The following SETD4 variants were observed in gnomAD, a reference collection of about 807,000 sequenced individuals.
The protein encoded by SETD4 is SET domain-containing protein 4.
A neutral mutation model predicts 58.3 loss-of-function variants in SETD4; 46 were observed. The ratio of observed to expected loss-of-function variants is 0.79; its 90% CI spans 0.62 to 1.01. The LOEUF is 1.01. SETD4 is among the 50% of genes least tolerant of loss of function. The pLI, the probability that SETD4 is intolerant of heterozygous loss-of-function variation, is 0.00. For synonymous variants in SETD4, 190 were observed against 202.6 expected (o/e 0.94, Z 0.53); for missense variants, 490 against 523.3 (o/e 0.94, Z 0.62).
chr21:36,058,524 AAG>A (rs2065106345), intron 2 of SETD4, among the ~76,000 whole-genome samples: 1 of 146,566 alleles, frequency 6.8e-6, no homozygotes, highest in South Asian at 2.2e-4. Context: ...AAAAAAAAGA[AAG>A]ATTCTCTTTG....
intron 1 of SETD4, 66 bp downstream of exon 1, chr21:36,060,281 C>T (rs1053192682): frequency 2.9e-6 from 1 of 342,680 alleles, no homozygotes; most frequent in African/African-American, 2.2e-5. Context: ...AAGGAACGCA[C>T]CCCGCCGACT....
chr21:36,053,218 C>T, intron 4 of SETD4: 1 of 273,858 alleles, frequency 3.7e-6, no homozygotes, highest in Non-Finnish European at 6.9e-6. Context: ...CTCCTGATGC[C>T]CAAGTTCCAA....
intron 4 of SETD4, chr21:36,050,742 C>T: frequency 6.2e-7 from 1 of 1,612,512 alleles, no homozygotes; most frequent in Admixed American, 1.7e-5. Flanking sequence ...AGATAAGCAC[C>T]ATTTGGCTGA....
At chr21:36,056,275 T>C (rs2064976989) in intron 3 of SETD4, among the ~76,000 whole-genome samples, 1 of 152,248 alleles carries the variant, frequency 6.6e-6, no homozygotes, top group South Asian at 2.1e-4. Context: ...AATGGGTACT[T>C]GAATAATAAT....
chr21:36,053,498 ATTTT>A, intron 4 of SETD4, 81 bp downstream of exon 4: 2 of 1,375,724 alleles, frequency 1.5e-6, no homozygotes, highest in Non-Finnish European at 2.1e-6. Context: ...TATGTCTGAA[ATTTT>A]TTTAATTCAC....
intron 6 of SETD4, 139 bp downstream of exon 6, chr21:36,045,443 C>A: frequency 1.0e-6 from 1 of 981,030 alleles, no homozygotes; most frequent in Non-Finnish European, 1.5e-6. Context: ...AGCCTCCTGA[C>A]GTCAGGCCAA....
At chr21:36,060,012 C>T in intron 1 of SETD4, 2 of 985,780 alleles carry the variant, frequency 2.0e-6, no homozygotes, top group Non-Finnish European at 2.4e-6. Flanking sequence ...GCACCGTCCC[C>T]GCCCCCATAG....
chr21:36,057,064 G>A, intron 3 of SETD4, 45 bp downstream of exon 3: 1 of 1,483,624 alleles, frequency 6.7e-7, no homozygotes, highest in Non-Finnish European at 9.4e-7. Context: ...TGTCTACCTG[G>A]CTCTCGTGTG....
At chr21:36,050,674 T>A in intron 4 of SETD4, 1 of 1,600,922 alleles carries the variant, frequency 6.2e-7, no homozygotes, top group Non-Finnish European at 8.6e-7. Flanking sequence ...GTACCGGAGT[T>A]CCCAATGGTA....
At chr21:36,051,347 A>G (rs926409247) in intron 4 of SETD4, 50 of 1,556,636 alleles carry the variant, frequency 3.2e-5, no homozygotes, top group Middle Eastern at 1.8e-4. Flanking sequence ...ACCAGCTGCT[A>G]GCCAATGAAA....
At chr21:36,043,311 C>CAT in intron 7 of SETD4, 1 of 257,896 alleles carries the variant, frequency 3.9e-6, no homozygotes, top group Non-Finnish European at 6.1e-6. Flanking sequence ...CACAAAAGAA[C>CAT]ATACATGAAA....
intron 2 of SETD4, chr21:36,057,562 A>G (rs189626203): frequency 2.1e-6 from 1 of 484,022 alleles, no homozygotes; most frequent in East Asian, 3.2e-5. Context: ...CTTATGCAAC[A>G]TACGACTATA....
chr21:36,059,184 A>G (rs2065147733), intron 1 of SETD4: 1 of 242,758 alleles, frequency 4.1e-6, no homozygotes, highest in Admixed American at 5.7e-5. Context: ...TATCTTGCAG[A>G]CCTAGTGACT....
intron 4 of SETD4, chr21:36,050,412 C>T: frequency 6.2e-7 from 1 of 1,614,098 alleles, no homozygotes; most frequent in Non-Finnish European, 8.5e-7. Flanking sequence ...CAATGGAGAG[C>T]TAATCACTGC....
intron 10 of SETD4, among the ~76,000 whole-genome samples, chr21:36,037,215 A>C (rs970702630): frequency 3.3e-5 from 5 of 152,240 alleles, no homozygotes; most frequent in Non-Finnish European, 5.9e-5. Flanking sequence ...GTGATCATGC[A>C]TATGTTAAAT....
intron 5 of SETD4, among the ~76,000 whole-genome samples, chr21:36,047,834 C>CAAAAAAAAAAAAA (rs34827028): frequency 4.2e-5 from 3 of 70,892 alleles, no homozygotes; most frequent in African/African-American, 1.1e-4. Context: ...ACTAAAAATA[C>CAAAAAAAAAAAAA]AAAAAAAAAA....
In SETD4 at chr21:36,035,938, C is replaced by G; in HGVS notation, c.*55G>C. 1 of 797,598 alleles carries G rather than the reference C, an allele frequency of 1.3e-6. No individual in the cohort carries two copies. The highest frequency in any genetic ancestry group is 2.0e-6 in the Non-Finnish European group (1 of 503,684). 49.4% of individuals were successfully genotyped at this position (797,598 alleles called of 1,614,324 possible). ...GCCACCACCCCAGCCCATGATGATG[C>G]TCTTCAAAATTAACTTTTGTTTCTG... On this transcript the variant is annotated 3_prime_UTR_variant, in exon 12 of 12. Transcript: ENST00000332131.
chr21:36,050,830 G>A (rs1254752467), intron 4 of SETD4: 18 of 1,610,112 alleles, frequency 1.1e-5, no homozygotes, highest in African/African-American at 5.3e-5. Context: ...CGGGATGTAC[G>A]TGTCATTGTC....
chr21:36,044,038 G>A, intron 6 of SETD4, 82 bp from the exon 7 acceptor site: 1 of 1,458,052 alleles, frequency 6.9e-7, no homozygotes, highest in Non-Finnish European at 9.3e-7. Context: ...TAATATTAAT[G>A]TGAGTCAGGT....
Sources: gnomAD v4.1 joint callset for allele counts (sites outside exome capture counted in the v4.1 genomes callset) on GRCh38, gnomAD v4.1.1 for gene constraint, MANE v1.5 for transcripts, NCBI Gene and HGNC (gene_info 2026-07-23, HGNC 2026-07-21) for gene names.